The following RAB1A variants were observed in gnomAD, a reference collection of about 807,000 sequenced individuals.
The protein encoded by RAB1A is RAB1A, member RAS oncogene family.
RAB1A carries 2 observed loss-of-function variants against 26.0 expected under a neutral mutation model. The ratio of observed to expected loss-of-function variants is 0.08; its 90% CI spans 0.03 to 0.24. RAB1A has a LOEUF of 0.24. Ranked by LOEUF, RAB1A falls within the 10% of genes least tolerant of loss-of-function variation. RAB1A has a pLI of 1.00. For synonymous variants in RAB1A, 84 were observed against 84.9 expected, an observed-to-expected ratio of 0.99 and a Z score of 0.06; for missense variants, 100 against 247.0, an observed-to-expected ratio of 0.40 and a Z score of 3.99.
intron 3 of RAB1A, among the ~76,000 whole-genome samples, chr2:65,094,661 C>A (rs1184879718): frequency 1.3e-5 from 2 of 151,438 alleles, no homozygotes; most frequent in African/African-American, 4.8e-5. Context: ...AATATAGCTA[C>A]TGAAACAACA....
intron 3 of RAB1A, among the ~76,000 whole-genome samples, chr2:65,095,303 T>C (rs1669257199): frequency 6.6e-6 from 1 of 152,060 alleles, no homozygotes; most frequent in South Asian, 2.1e-4. Context: ...CCCAAAGTGC[T>C]AGGACTATAA....
intron 1 of RAB1A, among the ~76,000 whole-genome samples, chr2:65,110,170 G>C (rs775247795): frequency 1.4e-4 from 21 of 152,188 alleles, no homozygotes; most frequent in Non-Finnish European, 2.6e-4. Context: ...GGTCGGGCTT[G>C]GTGGCTCACG....
intron 3 of RAB1A, among the ~76,000 whole-genome samples, chr2:65,093,834 G>A (rs1669224719): frequency 6.6e-6 from 1 of 152,002 alleles, no homozygotes; most frequent in Non-Finnish European, 1.5e-5. Flanking sequence ...ATGCTGGCCA[G>A]GCTGGTCACG....
rs79322765 is a variant in RAB1A at position 65,113,790 on chromosome 2, C to A, written c.24-8984G>T. Among the ~76,000 whole-genome samples, 815 of 152,082 alleles carry A rather than the reference C, an allele frequency of 5.4e-3. 10 individuals carry two copies. Among genetic ancestry groups the A allele is most frequent in the African/African-American group, 0.018 (765 of 41,488 alleles). The stretch of plus-strand genomic sequence containing the variant: ...ACCTCATTTTTGTTTTTTAAAAAAT[C>A]TTTTGAGGGGCTGGGCATGGCTAGC... On this transcript the variant is annotated intron_variant, in intron 1 of 5. Coordinates refer to ENST00000409784, the MANE Select transcript of RAB1A (RefSeq NM_004161.5).
intron 3 of RAB1A, among the ~76,000 whole-genome samples, chr2:65,092,125 T>C (rs1158894044): frequency 1.3e-5 from 2 of 152,036 alleles, no homozygotes; most frequent in Non-Finnish European, 2.9e-5. Flanking sequence ...ATCCAAAAAT[T>C]AGCCAAGTAT....
At chr2:65,104,645 G>A (rs1669510893) in intron 2 of RAB1A, 89 bp downstream of exon 2, 1 of 996,894 alleles carries the variant, frequency 1.0e-6, no homozygotes. Flanking sequence ...AACTTATTCT[G>A]AATAAAACTG....
intron 1 of RAB1A, among the ~76,000 whole-genome samples, chr2:65,110,541 A>G (rs542948177): frequency 6.6e-6 from 1 of 152,326 alleles, no homozygotes; most frequent in East Asian, 1.9e-4. Flanking sequence ...ATGAATTCAT[A>G]GCAGTATAAA....
intron 3 of RAB1A, among the ~76,000 whole-genome samples, chr2:65,093,203 A>C (rs966505350): frequency 1.3e-5 from 2 of 152,202 alleles, no homozygotes; most frequent in Admixed American, 6.5e-5. Context: ...CAGTACTAAC[A>C]ATACTTTCCT....
chr2:65,090,690 A>G (rs976289281), intron 4 of RAB1A, among the ~76,000 whole-genome samples: 3 of 152,202 alleles, frequency 2.0e-5, no homozygotes, highest in Non-Finnish European at 4.4e-5. Context: ...GATTCCCTAC[A>G]AACTCTTGCC....
Position 65,088,396 on chromosome 2 carries a change from TAG to T in RAB1A, c.*95_*96del. On this transcript the variant is annotated 3_prime_UTR_variant, in exon 6 of 6. Coordinates refer to ENST00000409784, the MANE Select transcript of RAB1A (RefSeq NM_004161.5). Reference sequence around the variant, plus strand: ...TTGTGGAGACGGTAAGAATCTGTTGTAGTGCAGCTACATACAGTACAATTCAG... The same window carrying T: ...TTGTGGAGACGGTAAGAATCTGTTGTTGCAGCTACATACAGTACAATTCAG... 1 of 963,470 alleles carries T rather than the reference TAG, an allele frequency of 1.0e-6. No individual in the cohort carries two copies. Among genetic ancestry groups the T allele is most frequent in the Non-Finnish European group, 1.5e-6 (1 of 666,768 alleles). 59.7% of individuals were successfully genotyped at this position (963,470 alleles called of 1,614,324 possible). A position where few individuals can be genotyped will look rare whatever the true frequency, so the allele number is the denominator to read the frequency against.
chr2:65,121,795 G>C (rs775092077), intron 1 of RAB1A, among the ~76,000 whole-genome samples: 44 of 152,196 alleles, frequency 2.9e-4, no homozygotes, highest in African/African-American at 1.0e-3. Flanking sequence ...CGGGGGCCGG[G>C]GGGGAGTCTG....
intron 3 of RAB1A, among the ~76,000 whole-genome samples, chr2:65,097,707 G>A (rs1188299383): frequency 6.6e-6 from 1 of 152,078 alleles, no homozygotes; most frequent in Non-Finnish European, 1.5e-5. Context: ...GATTTCCACT[G>A]ATAAAAGAAA....
At chr2:65,094,042 C>T (rs1669229912) in intron 3 of RAB1A, among the ~76,000 whole-genome samples, 1 of 151,772 alleles carries the variant, frequency 6.6e-6, no homozygotes, top group South Asian at 2.1e-4. Context: ...ACAATCTTGG[C>T]TCACCGCAAC....
chr2:65,091,876 A>T (rs1669179842), intron 3 of RAB1A, among the ~76,000 whole-genome samples: 1 of 152,248 alleles, frequency 6.6e-6, no homozygotes, highest in Non-Finnish European at 1.5e-5. Context: ...GACTCCAAAT[A>T]CTTTCATAAA....
At chr2:65,093,780 G>A (rs973990095) in intron 3 of RAB1A, among the ~76,000 whole-genome samples, 1 of 151,802 alleles carries the variant, frequency 6.6e-6, no homozygotes. Flanking sequence ...CTGCCACCAT[G>A]CCCAGCTAAT....
chr2:65,108,341 A>G (rs543952328), intron 1 of RAB1A, among the ~76,000 whole-genome samples: 7 of 143,746 alleles, frequency 4.9e-5, no homozygotes, highest in African/African-American at 1.6e-4. Context: ...AGGCAACAAG[A>G]GCAAAACTCC....
chr2:65,115,733 A>G (rs924455715), intron 1 of RAB1A, among the ~76,000 whole-genome samples: 5 of 152,224 alleles, frequency 3.3e-5, no homozygotes, highest in African/African-American at 1.2e-4. Context: ...GCTTCCATTC[A>G]GATGAACCAT....
At chr2:65,103,592 G>A (rs745705346) in intron 2 of RAB1A, among the ~76,000 whole-genome samples, 4 of 151,878 alleles carry the variant, frequency 2.6e-5, no homozygotes, top group African/African-American at 9.7e-5. Context: ...ACTGAAAAAC[G>A]CAAACATCTT....
chr2:65,127,800 C>G (rs1351686232), intron 1 of RAB1A, among the ~76,000 whole-genome samples: 1 of 152,108 alleles, frequency 6.6e-6, no homozygotes, highest in African/African-American at 2.4e-5. Flanking sequence ...GTGGCCAGAT[C>G]TTGGTTCACT....
Sources: allele counts gnomAD v4.1 joint callset (sites outside exome capture counted in the v4.1 genomes callset), GRCh38; gene constraint gnomAD v4.1.1; transcripts MANE v1.5; gene names NCBI Gene and HGNC (gene_info 2026-07-23, HGNC 2026-07-21).